Variants in IRAK1BP1 observed in about 807,000 individuals in gnomAD.
IRAK1BP1 encodes interleukin-1 receptor-associated kinase 1-binding protein 1.
A neutral mutation model predicts 28.0 loss-of-function variants in IRAK1BP1; 24 were observed. The observed-to-expected ratio is 0.86, with a 90% CI of 0.62 to 1.20. The LOEUF is 1.20. Ranked by LOEUF, IRAK1BP1 falls within the 50% of genes most tolerant of loss-of-function variation. The pLI, the probability that IRAK1BP1 is intolerant of heterozygous loss-of-function variation, is 0.00. For missense variants in IRAK1BP1, 336 were observed against 316.7 expected (o/e 1.06, Z -0.46); for synonymous variants, 131 against 116.3 (o/e 1.13, Z -0.81).
chr6:78,946,648 C>A, downstream of IRAK1BP1: 1 of 1,466,580 alleles, frequency 6.8e-7, no homozygotes, highest in Non-Finnish European at 9.0e-7. Flanking sequence ...TAAAAAACAC[C>A]AAGTTCTATC....
rs1216541156 is a variant in IRAK1BP1 at position 78,898,141 on chromosome 6, T to A, written c.590T>A (p.Leu197Ter). The change falls in exon 4 of 4, where the codon TTA becomes TAA. Residue 197 changes from leucine (L) to a stop codon, truncating the protein, a stop_gained. Transcript: ENST00000369940. LOFTEE classifies it high-confidence loss of function. Reference sequence around the variant, plus strand: ...GTCTGTAACCTTGTTGGCCAAACCTTAGGAAAACCTTTACTAATCAAAGAA... The same window carrying A: ...GTCTGTAACCTTGTTGGCCAAACCTAAGGAAAACCTTTACTAATCAAAGAA... Reference protein sequence around the residue: ...QEVCNLVGQTLGKPLLIKEEE... With the variant: ...QEVCNLVGQT The A allele has an allele frequency of 6.2e-7, 1 of 1,613,712 alleles. No individual in the cohort carries two copies. The highest frequency in any genetic ancestry group is 8.5e-7 in the Non-Finnish European group (1 of 1,179,946).
intron 2 of IRAK1BP1, among the ~76,000 whole-genome samples, chr6:78,886,816 A>G (rs1771448233): frequency 6.6e-6 from 1 of 152,194 alleles, no homozygotes; most frequent in South Asian, 2.1e-4. Context: ...AAACATGACT[A>G]AATGAGAGTT....
chr6:78,957,017 G>A, the IRAK1BP1 span: 3 of 152,000 alleles, frequency 2.0e-5, no homozygotes, highest in Admixed American at 2.0e-4. Context: ...TTAATATCTT[G>A]AAGACTATCT....
intron 4 of IRAK1BP1, among the ~76,000 whole-genome samples, chr6:78,921,722 A>C (rs1772735905): frequency 6.6e-6 from 1 of 152,192 alleles, no homozygotes; most frequent in Admixed American, 6.5e-5. Flanking sequence ...CCTCTGAGAC[A>C]AAACTTCCAG....
chr6:78,967,852 C>T, the IRAK1BP1 span, among the ~76,000 whole-genome samples: 1 of 151,950 alleles, frequency 6.6e-6, no homozygotes, highest in Non-Finnish European at 1.5e-5. Flanking sequence ...TAAAATTTAT[C>T]GGCCGGGCGC....
chr6:78,962,683 C>A, the IRAK1BP1 span, among the ~76,000 whole-genome samples: 8 of 152,226 alleles, frequency 5.3e-5, no homozygotes, highest in African/African-American at 1.9e-4. Context: ...CCTCTCCTCT[C>A]CCCTTAAGAA....
At chr6:78,956,239 AC>A in the IRAK1BP1 span, 4 of 152,074 alleles carry the variant, frequency 2.6e-5, no homozygotes, top group Non-Finnish European at 1.5e-5. Context: ...TATCATTCTT[AC>A]AGTAATGGGA....
the IRAK1BP1 span, among the ~76,000 whole-genome samples, chr6:78,967,093 T>C: frequency 2.0e-5 from 3 of 152,346 alleles, no homozygotes; most frequent in South Asian, 2.1e-4. Flanking sequence ...AAGAGAAAAG[T>C]AGTTATGTTC....
chr6:78,921,980 A>G (rs1772746153), intron 4 of IRAK1BP1, among the ~76,000 whole-genome samples: 1 of 152,240 alleles, frequency 6.6e-6, no homozygotes, highest in Admixed American at 6.5e-5. Context: ...GGGAAAAAAC[A>G]GAGCAGAAAA....
In IRAK1BP1 at chr6:78,922,528, A is replaced by G. The variant is rs554339376; in HGVS notation, c.*67+19418A>G. Among the ~76,000 whole-genome samples the G allele has an allele frequency of 6.4e-4, 97 of 152,328 alleles. 1 individual carries two copies. In the South Asian group the frequency reaches 8.1e-3, roughly 13 times the overall value. The stretch of plus-strand genomic sequence containing the variant: ...GATATTATCCAGGAGAACTTCCCCA[A>G]TCTAGCAAGGCAGGCCAACATTCAA... On this transcript the variant is annotated intron_variant and NMD_transcript_variant, in intron 4 of 4. Transcript: ENST00000606868.
At chr6:78,939,892 A>AATT (rs1162208870) in intron 4 of IRAK1BP1, 6 of 152,514 alleles carry the variant, frequency 3.9e-5, no homozygotes, top group African/African-American at 7.2e-5. Flanking sequence ...TAGAATATAT[A>AATT]GCCTTTCCAA....
the IRAK1BP1 span, chr6:78,963,350 A>AT: frequency 2.2e-6 from 2 of 914,610 alleles, no homozygotes; most frequent in East Asian, 5.9e-5. Context: ...ATTAAAGTAT[A>AT]TTTTGTATAG....
At chr6:78,956,911 A>C in the IRAK1BP1 span, 1 of 152,202 alleles carries the variant, frequency 6.6e-6, no homozygotes, top group East Asian at 1.9e-4. Flanking sequence ...AACTGTATTA[A>C]AAGGATCCAT....
At chr6:78,905,863 A>G (rs1772249517), downstream of IRAK1BP1, among the ~76,000 whole-genome samples, 1 of 152,188 alleles carries the variant, frequency 6.6e-6, no homozygotes, top group Non-Finnish European at 1.5e-5. Flanking sequence ...GGCCTCCCAA[A>G]GTGCTGGGAT....
rs150206108 is a variant in IRAK1BP1, at chr6:78,885,109, A to C, written c.316-269A>C. 3.9e-3 allele frequency among the ~76,000 whole-genome samples: 588 copies of C among 152,230 alleles called. 6 individuals are homozygous for C. The Middle Eastern group carries it at 0.041, about 11-fold the overall frequency. On this transcript the variant is annotated intron_variant, in intron 1 of 3. Coordinates refer to ENST00000369940, the MANE Select transcript of IRAK1BP1 (RefSeq NM_001010844.4). The stretch of plus-strand genomic sequence containing the variant: ...ACCGTATTGTGATAAATATTGTTTA[A>C]AAATGAAAACCATTCAACCTTTATA...
chr6:78,963,284 A>G, the IRAK1BP1 span: 1 of 1,552,258 alleles, frequency 6.4e-7, no homozygotes, highest in South Asian at 1.2e-5. Context: ...TTGCAAATAC[A>G]TGGTAACTTA....
At chr6:78,880,546 T>C (rs1771190141) in intron 1 of IRAK1BP1, among the ~76,000 whole-genome samples, 1 of 152,210 alleles carries the variant, frequency 6.6e-6, no homozygotes, top group South Asian at 2.1e-4. Context: ...GAGAAAATAT[T>C]TGTAAATTAC....
At chr6:78,978,728 A>G in the IRAK1BP1 span, 1 of 1,581,090 alleles carries the variant, frequency 6.3e-7, no homozygotes, top group East Asian at 2.3e-5. Context: ...AAATTTAAGT[A>G]ATAATTGTTA....
intron 4 of IRAK1BP1, among the ~76,000 whole-genome samples, chr6:78,924,201 T>G (rs1337099932): frequency 1.3e-5 from 2 of 151,620 alleles, no homozygotes; most frequent in Non-Finnish European, 2.9e-5. Flanking sequence ...AAGAGAAGTA[T>G]CAAATAGATG....
Sources: gnomAD v4.1 joint callset for allele counts (sites outside exome capture counted in the v4.1 genomes callset) on GRCh38, gnomAD v4.1.1 for gene constraint, MANE v1.5 for transcripts, NCBI Gene and HGNC (gene_info 2026-07-23, HGNC 2026-07-21) for gene names.